PRKCH: variants seen among roughly 807,000 people sequenced by gnomAD.
The protein encoded by PRKCH is protein kinase C eta, also known as protein kinase C eta type.
PRKCH carries 28 observed loss-of-function variants against 82.5 expected under a neutral mutation model. The observed-to-expected ratio is 0.34, with a 90% CI of 0.25 to 0.47. The LOEUF (loss-of-function observed/expected upper bound fraction) is 0.47. PRKCH is among the 20% of genes least tolerant of loss of function. The probability of loss-of-function intolerance (pLI) is 1.00; values close to 1 mark genes in which losing one functional copy is unlikely to be tolerated. For missense variants in PRKCH, 705 were observed against 881.8 expected (o/e 0.80, Z 2.54); for synonymous variants, 322 against 327.4 (o/e 0.98, Z 0.18).
intron 4 of PRKCH, among the ~76,000 whole-genome samples, chr14:61,447,561 A>G (rs985713373): frequency 6.6e-6 from 1 of 152,206 alleles, no homozygotes; most frequent in African/African-American, 2.4e-5. Context: ...TACCTTACCA[A>G]ATTTAAAAGA....
chr14:61,272,333 CTTTTTTCTTTCTTT>C (rs1566801727), intron 1 of PRKCH, among the ~76,000 whole-genome samples: 15 of 83,060 alleles, frequency 1.8e-4, no homozygotes, highest in South Asian at 8.2e-4. Context: ...TTTTTCTTTT[CTTTTTTCTTTCTTT>C]TTTTTTTTTT....
chr14:61,442,567 G>A (rs1275666126), intron 2 of PRKCH: 3 of 152,468 alleles, frequency 2.0e-5, no homozygotes, highest in Non-Finnish European at 4.4e-5. Context: ...TGTGCTACAA[G>A]AGATTGGCCC....
chr14:61,220,843 T>C (rs189446092), intron 1 of PRKCH, among the ~76,000 whole-genome samples: 17 of 152,256 alleles, frequency 1.1e-4, no homozygotes, highest in African/African-American at 3.4e-4. Flanking sequence ...CAGGCAAAGA[T>C]ACAGAATTTA....
At chr14:61,234,433 A>G (rs1172415058) in intron 1 of PRKCH, among the ~76,000 whole-genome samples, 3 of 152,094 alleles carry the variant, frequency 2.0e-5, no homozygotes, top group Non-Finnish European at 4.4e-5. Flanking sequence ...CTCCTTAACC[A>G]GTCATCCCCA....
intron 9 of PRKCH, among the ~76,000 whole-genome samples, chr14:61,462,580 C>G (rs1885074387): frequency 6.6e-6 from 1 of 152,210 alleles, no homozygotes; most frequent in South Asian, 2.1e-4. Context: ...AAACTATCCC[C>G]ATTTACTGTT....
In PRKCH at chr14:61,198,219, CTATT is replaced by C. The variant is rs1460055237; in HGVS notation, c.-19+10558_-19+10561del. On this transcript the variant is annotated intron_variant, in intron 1 of 3. Coordinates refer to the PRKCH transcript ENST00000555185. ...TTTCTCTGCATTAGCCATCCACTGG[CTATT>C]TATTTAACAACAATCCCATTGCACT... Among the ~76,000 whole-genome samples the C allele has an allele frequency of 4.6e-5, 7 of 152,198 alleles. 1 individual carries two copies. The highest frequency in any genetic ancestry group is 4.1e-4 in the South Asian group (2 of 4,826).
At chr14:61,228,898 TA>T (rs1024936269) in intron 1 of PRKCH, among the ~76,000 whole-genome samples, 86 of 151,432 alleles carry the variant, frequency 5.7e-4, no homozygotes, top group African/African-American at 2.0e-3. Flanking sequence ...TTTTTTAATA[TA>T]AAAAATATAT....
At chr14:61,341,453 C>T (rs2045929091) in intron 1 of PRKCH, among the ~76,000 whole-genome samples, 1 of 152,188 alleles carries the variant, frequency 6.6e-6, no homozygotes, top group African/African-American at 2.4e-5. Context: ...CCTGAGCATG[C>T]CACATGCACA....
chr14:61,281,172 C>T (rs1291515084), intron 1 of PRKCH: 4 of 1,284,360 alleles, frequency 3.1e-6, no homozygotes, highest in Non-Finnish European at 3.9e-6. Flanking sequence ...GACCGACGCG[C>T]GGGCTGACCG....
At chr14:61,283,361 A>G (rs1455291600) in intron 1 of PRKCH, among the ~76,000 whole-genome samples, 5 of 152,188 alleles carry the variant, frequency 3.3e-5, no homozygotes, top group Non-Finnish European at 5.9e-5. Context: ...CAAGACAAGG[A>G]ATGGTCAGCA....
intron 1 of PRKCH, among the ~76,000 whole-genome samples, chr14:61,224,383 G>A (rs1216055602): frequency 6.6e-6 from 1 of 152,076 alleles, no homozygotes; most frequent in Non-Finnish European, 1.5e-5. Context: ...TTAACTCTGC[G>A]CTTTATTCAT....
chr14:61,239,999 G>A (rs559418711), intron 1 of PRKCH, among the ~76,000 whole-genome samples: 6 of 152,248 alleles, frequency 3.9e-5, no homozygotes, highest in African/African-American at 1.4e-4. Flanking sequence ...TATGCATCCA[G>A]CAAACCAACT....
At chr14:61,199,900 C>T (rs945239286) in intron 1 of PRKCH, among the ~76,000 whole-genome samples, 1 of 152,154 alleles carries the variant, frequency 6.6e-6, no homozygotes, top group African/African-American at 2.4e-5. Flanking sequence ...TTTGTATCTG[C>T]CAAGATGTAC....
intron 1 of PRKCH, among the ~76,000 whole-genome samples, chr14:61,388,181 C>CATTGTGTGCA (rs1257804150): frequency 2.0e-4 from 31 of 151,694 alleles, no homozygotes; most frequent in Admixed American, 7.2e-4. Context: ...AAGAAATCCC[C>CATTGTGTGCA]ATTGTGTGCA....
At position 61,280,035 on chromosome 14, in the gene PRKCH, A is replaced by C. The variant is rs192586437; in HGVS notation, c.-19+92367A>C. On this transcript the variant is annotated intron_variant, in intron 1 of 3. Transcript: ENST00000555185. This position sits in a 1 kb window ranked among gnomAD's most constrained non-coding sequence, Gnocchi z 5.0. ...GGGTGACGGGCGAGGAGGAGATGCC[A>C]AAAGCACCTTGCAAGAGTTTTGGCA... 272 of 1,473,426 alleles carry C rather than the reference A, an allele frequency of 1.8e-4. 2 individuals are homozygous for C. The highest frequency in any genetic ancestry group is 1.1e-3 in the Admixed American group (47 of 44,134). 91.3% of individuals were successfully genotyped at this position (1,473,426 alleles called of 1,614,324 possible).
At chr14:61,225,618 G>C (rs1183983387) in intron 1 of PRKCH, among the ~76,000 whole-genome samples, 2 of 152,242 alleles carry the variant, frequency 1.3e-5, no homozygotes, top group Non-Finnish European at 2.9e-5. Flanking sequence ...ATATGAGTAA[G>C]TGTCGTCTGC....
At chr14:61,231,031 A>T (rs948784115) in intron 1 of PRKCH, among the ~76,000 whole-genome samples, 2 of 152,160 alleles carry the variant, frequency 1.3e-5, no homozygotes, top group African/African-American at 4.8e-5. Context: ...TAACAGGGAG[A>T]TACATTCCAA....
intron 2 of PRKCH, among the ~76,000 whole-genome samples, chr14:61,440,273 C>T (rs188192072): frequency 5.9e-5 from 9 of 152,258 alleles, no homozygotes; most frequent in African/African-American, 9.6e-5. Flanking sequence ...TTTGTTCTTC[C>T]GCAGTCCTTA....
chr14:61,498,883 C>G (rs975655590), intron 10 of PRKCH, among the ~76,000 whole-genome samples: 5 of 150,508 alleles, frequency 3.3e-5, no homozygotes, highest in African/African-American at 1.2e-4. Context: ...TTCATTCATA[C>G]ACGTGTTTGG....
Sources: gnomAD v4.1 joint callset for allele counts (sites outside exome capture counted in the v4.1 genomes callset) on GRCh38, gnomAD v4.1.1 for gene constraint, Gnocchi (gnomAD v3.1) non-coding constraint, MANE v1.5 for transcripts, NCBI Gene and HGNC (gene_info 2026-07-23, HGNC 2026-07-21) for gene names.